CDH12: variants seen among roughly 807,000 people sequenced by gnomAD.
CDH12 encodes the protein cadherin 12, also known as cadherin-12.
CDH12 carries 41 observed loss-of-function variants against 74.1 expected under a neutral mutation model. The ratio of observed to expected loss-of-function variants is 0.55; its 90% CI spans 0.43 to 0.72. The LOEUF (loss-of-function observed/expected upper bound fraction) is 0.72, where lower values mean the gene tolerates loss of function less well. Among genes scored for constraint, CDH12 ranks in the 30% least tolerant of loss-of-function variants. CDH12 has a pLI of 0.00. For missense variants in CDH12, 945 were observed against 977.2 expected (o/e 0.97, Z 0.44); for synonymous variants, 399 against 355.0 (o/e 1.12, Z -1.39).
At chr5:21,861,403 G>C (rs1054033451) in intron 6 of CDH12, among the ~76,000 whole-genome samples, 3 of 151,948 alleles carry the variant, frequency 2.0e-5, no homozygotes, top group African/African-American at 7.3e-5. Context: ...TTACATGAAA[G>C]CTTAACTAAA....
chr5:22,719,444 C>T (rs1192493681), intron 1 of CDH12, among the ~76,000 whole-genome samples: 1 of 152,142 alleles, frequency 6.6e-6, no homozygotes, highest in Non-Finnish European at 1.5e-5. Flanking sequence ...AGCCTTCCAT[C>T]CTTTGCATTT....
intron 1 of CDH12, among the ~76,000 whole-genome samples, chr5:22,840,597 A>G (rs887227107): frequency 2.0e-5 from 3 of 151,702 alleles, no homozygotes; most frequent in Admixed American, 6.6e-5. Flanking sequence ...AACACTTACT[A>G]TATGTTAGTC....
At chr5:22,280,516 C>T (rs189692707) in intron 3 of CDH12, among the ~76,000 whole-genome samples, 2,122 of 151,946 alleles carry the variant, frequency 0.014, 19 homozygotes, top group Non-Finnish European at 0.018. Context: ...ATCAAACAGA[C>T]GCAATAAAAA....
At position 22,537,921 on chromosome 5, in the gene CDH12, C is replaced by A. The variant is rs1055166986; in HGVS notation, c.-522-32557G>T. Among the ~76,000 whole-genome samples, 4 of 152,284 alleles carry A rather than the reference C, an allele frequency of 2.6e-5. No homozygotes were observed. In the East Asian group the frequency reaches 7.7e-4, roughly 29 times the overall value. On this transcript the variant is annotated intron_variant, in intron 1 of 14. Coordinates refer to ENST00000382254, the MANE Select transcript of CDH12 (RefSeq NM_004061.5). ...TTAAGTAGTCTGCAGTTGCTTAGAG[C>A]AGAGTTTTCCAACCTGGGCACTGCT...
intron 1 of CDH12, among the ~76,000 whole-genome samples, chr5:22,828,647 C>A (rs1437352372): frequency 1.3e-5 from 2 of 152,036 alleles, no homozygotes; most frequent in East Asian, 1.9e-4. Flanking sequence ...TAATGTGACC[C>A]AAGAGAAAGT....
Position 22,041,970 on chromosome 5 carries a change from A to G in CDH12, c.231+36476T>C, listed in dbSNP as rs77543731. On this transcript the variant is annotated intron_variant, in intron 5 of 14. Transcript: ENST00000382254. ...ATGTCAAGTATTATTTCTGACCACAATGGTATGAAACTAGACATCGATGAC... is the reference window on the plus strand; with the variant it reads ...ATGTCAAGTATTATTTCTGACCACAGTGGTATGAAACTAGACATCGATGAC... Among the ~76,000 whole-genome samples, 537 of 152,336 alleles carry G rather than the reference A, an allele frequency of 3.5e-3. 2 individuals are homozygous for G. The highest frequency in any genetic ancestry group is 0.013 in the African/African-American group (520 of 41,580).
chr5:21,987,391 T>C (rs1392313338), intron 5 of CDH12, among the ~76,000 whole-genome samples: 1 of 152,194 alleles, frequency 6.6e-6, no homozygotes, highest in Non-Finnish European at 1.5e-5. Flanking sequence ...CAAAATGACC[T>C]ATGAATCAAG....
intron 6 of CDH12, among the ~76,000 whole-genome samples, chr5:21,948,745 C>T (rs1580004308): frequency 1.3e-5 from 2 of 152,110 alleles, no homozygotes; most frequent in East Asian, 3.9e-4. Context: ...TATATCCCCA[C>T]CCAAATCTCA....
chr5:22,544,678 G>A (rs1036170588), intron 1 of CDH12, among the ~76,000 whole-genome samples: 2 of 152,030 alleles, frequency 1.3e-5, no homozygotes, highest in Admixed American at 6.6e-5. Context: ...TTAGCCAGGT[G>A]CAGTGGCACA....
chr5:22,697,005 T>C (rs1444077992), intron 1 of CDH12, among the ~76,000 whole-genome samples: 1 of 152,242 alleles, frequency 6.6e-6, no homozygotes, highest in African/African-American at 2.4e-5. Flanking sequence ...ATTGAAGTTA[T>C]TTAAGAAAAT....
chr5:22,203,326 T>C (rs1404075660), intron 4 of CDH12, among the ~76,000 whole-genome samples: 1 of 152,194 alleles, frequency 6.6e-6, no homozygotes, highest in Non-Finnish European at 1.5e-5. Flanking sequence ...GATACCGCAT[T>C]TGAGTGCAAT....
At chr5:21,907,644 C>T (rs1398200984) in intron 6 of CDH12, among the ~76,000 whole-genome samples, 1 of 152,196 alleles carries the variant, frequency 6.6e-6, no homozygotes, top group Non-Finnish European at 1.5e-5. Context: ...CAGTTGCTTG[C>T]ATCCTTACCA....
intron 3 of CDH12, among the ~76,000 whole-genome samples, chr5:22,260,583 C>T (rs1006069838): frequency 8.6e-5 from 13 of 152,046 alleles, no homozygotes; most frequent in South Asian, 8.3e-4. Context: ...AAATTTTCCT[C>T]GTTCTCTTTA....
intron 4 of CDH12, among the ~76,000 whole-genome samples, chr5:22,205,274 G>A (rs1221183070): frequency 6.6e-6 from 1 of 152,134 alleles, no homozygotes; most frequent in African/African-American, 2.4e-5. Context: ...CTTAGGTACT[G>A]AGTTGCAGCT....
chr5:22,391,874 TAATC>T (rs1354464450), intron 3 of CDH12, among the ~76,000 whole-genome samples: 4 of 152,144 alleles, frequency 2.6e-5, no homozygotes, highest in Admixed American at 2.6e-4. Flanking sequence ...TTTTCATTAA[TAATC>T]AAGCTCTTTT....
At chr5:22,374,479 A>T (rs1211928286) in intron 3 of CDH12, among the ~76,000 whole-genome samples, 2 of 152,148 alleles carry the variant, frequency 1.3e-5, no homozygotes, top group Non-Finnish European at 2.9e-5. Flanking sequence ...CAATAGAAAG[A>T]TATAAAAGTC....
intron 2 of CDH12, among the ~76,000 whole-genome samples, chr5:22,453,877 T>C (rs1745152301): frequency 6.6e-6 from 1 of 152,142 alleles, no homozygotes; most frequent in Non-Finnish European, 1.5e-5. Flanking sequence ...TAATCGATTA[T>C]TTTAATATTT....
chr5:22,130,696 T>A (rs920979254), intron 4 of CDH12, among the ~76,000 whole-genome samples: 1 of 151,768 alleles, frequency 6.6e-6, no homozygotes, highest in South Asian at 2.1e-4. Context: ...CTATAAGAAG[T>A]TTGAGTTAGT....
chr5:21,916,995 G>A (rs1754127283), intron 6 of CDH12, among the ~76,000 whole-genome samples: 1 of 152,212 alleles, frequency 6.6e-6, no homozygotes, highest in African/African-American at 2.4e-5. Flanking sequence ...GGCAGTGGCA[G>A]TGCCTTTATC....
Sources: allele counts gnomAD v4.1 joint callset (sites outside exome capture counted in the v4.1 genomes callset), GRCh38; gene constraint gnomAD v4.1.1; transcripts MANE v1.5; gene names NCBI Gene and HGNC (gene_info 2026-07-23, HGNC 2026-07-21).